NYAP2: variants seen among roughly 807,000 people sequenced by gnomAD.
NYAP2 encodes neuronal tyrosine-phosphorylated phosphoinositide-3-kinase adaptor 2.
NYAP2 carries 23 observed loss-of-function variants against 50.4 expected under a neutral mutation model. The observed-to-expected ratio is 0.46, with a 90% confidence interval of 0.33 to 0.65. The LOEUF (loss-of-function observed/expected upper bound fraction) is 0.65. Ranked by LOEUF, NYAP2 falls within the 30% of genes least tolerant of loss-of-function variation. The pLI is 0.02. For missense variants in NYAP2, 885 were observed against 861.0 expected, an observed-to-expected ratio of 1.03 and a Z score of -0.35; for synonymous variants, 394 against 365.2, an observed-to-expected ratio of 1.08 and a Z score of -0.90.
intron 4 of NYAP2, among the ~76,000 whole-genome samples, chr2:225,520,300 G>T (rs1302353961): frequency 1.3e-5 from 2 of 151,980 alleles, no homozygotes; most frequent in East Asian, 1.9e-4. Context: ...GTCAATTTTG[G>T]CTTTTGTTGC....
chr2:225,662,370 A>T, the NYAP2 span, among the ~76,000 whole-genome samples: 1 of 152,256 alleles, frequency 6.6e-6, no homozygotes, highest in Non-Finnish European at 1.5e-5. Flanking sequence ...CCCTTTCCAC[A>T]TTCTGAAAAG....
chr2:225,577,275 T>C (rs1184842822), intron 4 of NYAP2, among the ~76,000 whole-genome samples: 1 of 152,182 alleles, frequency 6.6e-6, no homozygotes, highest in African/African-American at 2.4e-5. Context: ...TTTGGGCTTA[T>C]TAGAAATAAT....
chr2:225,445,057 G>C (rs1689531080), intron 3 of NYAP2, among the ~76,000 whole-genome samples: 2 of 152,074 alleles, frequency 1.3e-5, no homozygotes, highest in African/African-American at 2.4e-5. Context: ...TCCACAGAAA[G>C]TGCTGTAGTT....
In NYAP2 at chr2:225,424,676, G is replaced by GT. The variant is rs201483093; in HGVS notation, c.221+15582dup. ...ATTCCCTCAAATTGTAATTTCCTCTGTTTTTTTAATTTATTTTATATTTAT... is the reference window on the plus strand; with the variant it reads ...ATTCCCTCAAATTGTAATTTCCTCTGTTTTTTTTAATTTATTTTATATTTAT... On this transcript the variant is annotated intron_variant, in intron 3 of 6. Coordinates refer to ENST00000636099, the Ensembl canonical transcript of NYAP2. Among the ~76,000 whole-genome samples the GT allele has an allele frequency of 2.3e-3, 342 of 151,556 alleles. 1 individual carries two copies. The highest frequency in any genetic ancestry group is 0.01 in the Middle Eastern group (3 of 292).
chr2:225,625,782 A>G (rs1174767451), intron 5 of NYAP2, among the ~76,000 whole-genome samples: 3 of 152,162 alleles, frequency 2.0e-5, no homozygotes, highest in Non-Finnish European at 4.4e-5. Flanking sequence ...GGGCAACAGG[A>G]GGCTTCTGGA....
intron 4 of NYAP2, among the ~76,000 whole-genome samples, chr2:225,531,066 C>T (rs1165658400): frequency 6.6e-6 from 1 of 152,182 alleles, no homozygotes; most frequent in Non-Finnish European, 1.5e-5. Context: ...ACATGTGTAT[C>T]CAATTATAGC....
intron 4 of NYAP2, among the ~76,000 whole-genome samples, chr2:225,572,648 A>G (rs753782114): frequency 2.0e-5 from 3 of 152,254 alleles, no homozygotes; most frequent in Non-Finnish European, 2.9e-5. Context: ...CAGTCAAATC[A>G]TATTAGAAAC....
chr2:225,495,745 G>A (rs542813446), intron 3 of NYAP2, among the ~76,000 whole-genome samples: 10 of 152,226 alleles, frequency 6.6e-5, no homozygotes, highest in East Asian at 3.9e-4. Flanking sequence ...GTGCAGTGTC[G>A]CCGCATTATG....
chr2:225,459,944 T>C (rs558566269), intron 3 of NYAP2, among the ~76,000 whole-genome samples: 1 of 152,306 alleles, frequency 6.6e-6, no homozygotes, highest in Admixed American at 6.5e-5. Flanking sequence ...AGTTCTGGGA[T>C]TACAGGCATG....
chr2:225,468,176 G>A lies in NYAP2; in HGVS notation c.222-45195G>A, dbSNP rs537270955. 3.3e-5 allele frequency among the ~76,000 whole-genome samples: 5 copies of A among 152,296 alleles called. No individual in the cohort carries two copies. In the East Asian group the frequency reaches 7.7e-4, roughly 24 times the overall value. On this transcript the variant is annotated intron_variant, in intron 3 of 6. Coordinates refer to ENST00000636099, the Ensembl canonical transcript of NYAP2. Reference sequence around the variant, plus strand: ...TGGAAATAAAGTCTTTGTAGATGTAGTCAAGTTAAGATGAGATCATGCTGG... The same window carrying A: ...TGGAAATAAAGTCTTTGTAGATGTAATCAAGTTAAGATGAGATCATGCTGG...
At chr2:225,452,559 A>G (rs1277728333) in intron 3 of NYAP2, among the ~76,000 whole-genome samples, 4 of 152,172 alleles carry the variant, frequency 2.6e-5, no homozygotes, top group African/African-American at 4.8e-5. Context: ...CTTACCACTT[A>G]GGGCCTCAAT....
the NYAP2 span, among the ~76,000 whole-genome samples, chr2:225,669,307 T>G: frequency 6.6e-6 from 1 of 152,176 alleles, no homozygotes; most frequent in African/African-American, 2.4e-5. Flanking sequence ...TACCCTGTAT[T>G]GTTTTAAAAT....
intron 3 of NYAP2, among the ~76,000 whole-genome samples, chr2:225,432,725 T>C (rs765655638): frequency 2.6e-5 from 4 of 152,178 alleles, no homozygotes; most frequent in Non-Finnish European, 5.9e-5. Flanking sequence ...CTCCCTTCTC[T>C]GTGTGATAGT....
chr2:225,440,081 C>T (rs1229005138), intron 3 of NYAP2, among the ~76,000 whole-genome samples: 1 of 152,216 alleles, frequency 6.6e-6, no homozygotes, highest in Non-Finnish European at 1.5e-5. Context: ...CAATTACCTC[C>T]ACATGGTCCC....
intron 3 of NYAP2, among the ~76,000 whole-genome samples, chr2:225,497,005 T>C (rs1000906319): frequency 3.9e-5 from 6 of 152,148 alleles, no homozygotes; most frequent in African/African-American, 1.4e-4. Flanking sequence ...TGAATAAATA[T>C]GTGTTGGAGA....
At chr2:225,489,052 T>C (rs946747164) in intron 3 of NYAP2, among the ~76,000 whole-genome samples, 12 of 152,210 alleles carry the variant, frequency 7.9e-5, no homozygotes, top group African/African-American at 2.2e-4. Flanking sequence ...ACTGATGATG[T>C]CAATGGTCAA....
At chr2:225,616,940 C>T (rs773688149) in intron 5 of NYAP2, among the ~76,000 whole-genome samples, 45 of 152,210 alleles carry the variant, frequency 3.0e-4, no homozygotes, top group Non-Finnish European at 2.8e-4. Flanking sequence ...TCCTTATTCT[C>T]ATTGTTCAGC....
At chr2:225,430,611 A>G (rs970941813) in intron 3 of NYAP2, among the ~76,000 whole-genome samples, 2 of 152,198 alleles carry the variant, frequency 1.3e-5, no homozygotes, top group African/African-American at 2.4e-5. Context: ...AGTTACTATT[A>G]TTAACTCCAG....
chr2:225,560,467 A>G (rs1287395880), intron 4 of NYAP2, among the ~76,000 whole-genome samples: 1 of 152,122 alleles, frequency 6.6e-6, no homozygotes, highest in Non-Finnish European at 1.5e-5. Context: ...AGGCAAGGAC[A>G]TTGAGCTTTT....
Sources: gnomAD v4.1 joint callset for allele counts (sites outside exome capture counted in the v4.1 genomes callset) on GRCh38, gnomAD v4.1.1 for gene constraint, MANE v1.5 for transcripts, NCBI Gene and HGNC (gene_info 2026-07-23, HGNC 2026-07-21) for gene names.